Variants in PBX3 observed in about 807,000 individuals in gnomAD.
PBX3 encodes pre-B-cell leukemia transcription factor 3.
PBX3 carries 14 observed loss-of-function variants against 48.5 expected under a neutral mutation model. That is an observed-to-expected ratio of 0.29 (90% CI 0.19 to 0.45). The LOEUF is 0.45. Among genes scored for constraint, PBX3 ranks in the 20% least tolerant of loss-of-function variants. PBX3 has a pLI of 1.00. For missense variants in PBX3, 386 were observed against 546.7 expected (o/e 0.71, Z 2.93); for synonymous variants, 210 against 200.3 (o/e 1.05, Z -0.41).
chr9:125,949,314 C>T (rs556448799), intron 5 of PBX3: 3 of 1,547,706 alleles, frequency 1.9e-6, no homozygotes, highest in Middle Eastern at 1.7e-4. Flanking sequence ...CCTGGCATCT[C>T]AGGAATGTTC....
At chr9:125,749,047 C>A in intron 2 of PBX3, 1 of 173,106 alleles carries the variant, frequency 5.8e-6, no homozygotes, top group South Asian at 1.4e-4. Context: ...TTCAGCTGCA[C>A]GGATAGAAGA....
intron 4 of PBX3, 75 bp downstream of exon 4, chr9:125,929,920 G>C: frequency 8.8e-7 from 1 of 1,132,242 alleles, no homozygotes; most frequent in Non-Finnish European, 1.3e-6. Context: ...CTGTAAAACT[G>C]ACCAGTTGGT....
intron 5 of PBX3, among the ~76,000 whole-genome samples, chr9:125,946,441 TAAAG>T (rs963274076): frequency 7.3e-5 from 11 of 151,498 alleles, no homozygotes; most frequent in Non-Finnish European, 1.2e-4. Context: ...GTATAGGAAA[TAAAG>T]GAATCTGATA....
At chr9:125,788,105 A>G (rs1275995667) in intron 2 of PBX3, among the ~76,000 whole-genome samples, 1 of 152,238 alleles carries the variant, frequency 6.6e-6, no homozygotes, top group Non-Finnish European at 1.5e-5. Context: ...GTTAATAACC[A>G]ACAGTGGATG....
chr9:125,946,474 T>C (rs1284537893), intron 5 of PBX3, among the ~76,000 whole-genome samples: 2 of 152,054 alleles, frequency 1.3e-5, no homozygotes, highest in African/African-American at 4.8e-5. Context: ...AAAATAACTA[T>C]GCTTAATATC....
chr9:125,780,357 G>A (rs1346518326), intron 2 of PBX3, among the ~76,000 whole-genome samples: 1 of 142,802 alleles, frequency 7.0e-6, no homozygotes, highest in African/African-American at 2.6e-5. Context: ...GCGGCTGGCT[G>A]GGCGGGGAGC....
At chr9:125,823,962 G>A (rs1430233971) in intron 2 of PBX3, among the ~76,000 whole-genome samples, 4 of 151,952 alleles carry the variant, frequency 2.6e-5, no homozygotes, top group African/African-American at 9.7e-5. Context: ...TGTAGTCCCA[G>A]CCACTCAGGA....
At chr9:125,755,672 G>GCT (rs1836494674) in intron 2 of PBX3, among the ~76,000 whole-genome samples, 1 of 95,232 alleles carries the variant, frequency 1.1e-5, no homozygotes, top group Non-Finnish European at 2.1e-5. Flanking sequence ...GAGGAGCTTT[G>GCT]TTTTTTTTTT....
Position 125,935,624 on chromosome 9 carries a change from G to A in PBX3, c.843+17G>A, listed in dbSNP as rs755127211. 1.2e-6 allele frequency: 2 copies of A among 1,612,988 alleles called. No homozygotes were observed. The highest frequency in any genetic ancestry group is 2.7e-5 in the African/African-American group (2 of 74,870). On this transcript the variant is annotated intron_variant, in intron 5 of 8. Transcript: ENST00000373489. ...GTGTCACAGGTGAGAAAGGACCCATGGGTCTGTCTTGTTCCCTGTGGAGAC... is the reference window on the plus strand; with the variant it reads ...GTGTCACAGGTGAGAAAGGACCCATAGGTCTGTCTTGTTCCCTGTGGAGAC...
At chr9:125,901,932 G>A (rs926203570) in intron 2 of PBX3, among the ~76,000 whole-genome samples, 13 of 151,704 alleles carry the variant, frequency 8.6e-5, no homozygotes, top group African/African-American at 2.9e-4. Context: ...TGCCTAGACC[G>A]TGACGCACAA....
At chr9:125,910,249 A>G (rs963336183) in intron 2 of PBX3, among the ~76,000 whole-genome samples, 1 of 152,168 alleles carries the variant, frequency 6.6e-6, no homozygotes, top group Non-Finnish European at 1.5e-5. Flanking sequence ...CCAAATAGAA[A>G]TGGACATATA....
chr9:125,918,812 G>A (rs979314328), intron 3 of PBX3, among the ~76,000 whole-genome samples: 38 of 152,234 alleles, frequency 2.5e-4, no homozygotes, highest in African/African-American at 8.9e-4. Context: ...TATTAGGATC[G>A]GTGCATTTTG....
chr9:125,840,498 CTT>C (rs1839259696), intron 2 of PBX3, among the ~76,000 whole-genome samples: 1 of 151,128 alleles, frequency 6.6e-6, no homozygotes, highest in Admixed American at 6.6e-5. Context: ...TTATTAGTGA[CTT>C]TTAACACACC....
intron 2 of PBX3, among the ~76,000 whole-genome samples, chr9:125,808,587 G>A (rs564657108): frequency 5.9e-5 from 9 of 152,144 alleles, no homozygotes; most frequent in African/African-American, 1.9e-4. Context: ...AATCACTTGA[G>A]CCTGGGAGGT....
At chr9:125,749,327 TG>T (rs1836301273) in intron 2 of PBX3, 2 of 152,250 alleles carry the variant, frequency 1.3e-5, no homozygotes. Context: ...GCAGAAGTGC[TG>T]GAATGAAAAC....
At chr9:125,751,595 T>C (rs1836377197) in intron 2 of PBX3, among the ~76,000 whole-genome samples, 1 of 152,230 alleles carries the variant, frequency 6.6e-6, no homozygotes, top group Non-Finnish European at 1.5e-5. Flanking sequence ...GATCATACCA[T>C]TATTTTTGGG....
intron 2 of PBX3, among the ~76,000 whole-genome samples, chr9:125,816,766 T>A (rs965733502): frequency 6.6e-6 from 1 of 152,208 alleles, no homozygotes; most frequent in Non-Finnish European, 1.5e-5. Flanking sequence ...TGTGTGTGTA[T>A]ATACACAGAA....
At chr9:125,908,225 G>A (rs1297906693) in intron 2 of PBX3, among the ~76,000 whole-genome samples, 1 of 152,058 alleles carries the variant, frequency 6.6e-6, no homozygotes, top group African/African-American at 2.4e-5. Flanking sequence ...TGGAAGATCG[G>A]TCTTCCAGAA....
At chr9:125,838,759 A>G (rs898131696) in intron 2 of PBX3, among the ~76,000 whole-genome samples, 2 of 152,368 alleles carry the variant, frequency 1.3e-5, no homozygotes, top group South Asian at 2.1e-4. Flanking sequence ...ACGAAACATT[A>G]GAGAGAACAA....
Sources: gnomAD v4.1 joint callset for allele counts (sites outside exome capture counted in the v4.1 genomes callset) on GRCh38, gnomAD v4.1.1 for gene constraint, MANE v1.5 for transcripts, NCBI Gene and HGNC (gene_info 2026-07-23, HGNC 2026-07-21) for gene names.